Variants in VPS33A observed in about 807,000 individuals in gnomAD.
The protein encoded by VPS33A is VPS33A core subunit of CORVET and HOPS complexes.
Under a neutral mutation model 71.8 loss-of-function variants are expected in VPS33A, and 32 were observed. The ratio of observed to expected loss-of-function variants is 0.45; its 90% CI spans 0.34 to 0.60. VPS33A has a LOEUF of 0.60. VPS33A is among the 20% of genes least tolerant of loss of function. The probability of loss-of-function intolerance (pLI) is 0.02; values close to 1 mark genes in which losing one functional copy is unlikely to be tolerated. For missense variants in VPS33A, 625 were observed against 748.5 expected, an observed-to-expected ratio of 0.84 and a Z score of 1.92; for synonymous variants, 311 against 292.7, an observed-to-expected ratio of 1.06 and a Z score of -0.64.
chr12:122,262,598 A>T (rs1955010889), intron 3 of VPS33A, among the ~76,000 whole-genome samples: 1 of 133,910 alleles, frequency 7.5e-6, no homozygotes. Flanking sequence ...TTAAAATTTA[A>T]TCAGCTTTTT....
chr12:122,248,639 T>C (rs1287308799), intron 6 of VPS33A: 1 of 152,074 alleles, frequency 6.6e-6, no homozygotes, highest in African/African-American at 2.4e-5. Flanking sequence ...TCTCCAGCCA[T>C]GCACTCCACT....
At chr12:122,262,601 A>AG (rs1191538625) in intron 3 of VPS33A, among the ~76,000 whole-genome samples, 3 of 118,710 alleles carry the variant, frequency 2.5e-5, no homozygotes, top group African/African-American at 8.5e-5. Context: ...AAATTTAATC[A>AG]GCTTTTTTTT....
At position 122,244,765 on chromosome 12, in the gene VPS33A, G is replaced by T. The variant is rs1251187892; in HGVS notation, c.776-3C>A. 6.2e-7 allele frequency: 1 copy of T among 1,608,522 alleles called. No individual in the cohort carries two copies. Among genetic ancestry groups the T allele is most frequent in the Admixed American group, 1.7e-5 (1 of 59,862 alleles). Reference sequence around the variant, plus strand: ...CTCTGGAGGTAATTTCACATAACCTGAGCAGCAGTGGAAGGGAATAAGCAC... The same window carrying T: ...CTCTGGAGGTAATTTCACATAACCTTAGCAGCAGTGGAAGGGAATAAGCAC... On this transcript the variant is annotated splice_polypyrimidine_tract_variant and splice_region_variant and intron_variant, in intron 6 of 12. Coordinates refer to ENST00000267199, the MANE Select transcript of VPS33A (RefSeq NM_022916.6).
intron 6 of VPS33A, among the ~76,000 whole-genome samples, chr12:122,247,629 T>C (rs1224871919): frequency 6.6e-6 from 1 of 152,206 alleles, no homozygotes; most frequent in Non-Finnish European, 1.5e-5. Context: ...TCCATTCTTG[T>C]GGTAAATTGC....
chr12:122,261,317 C>T lies in VPS33A; in HGVS notation c.427G>A (p.Asp143Asn). ...AGATCCCCATCGAATGGAATGAGAT[C>T]TAAGCTGTACTCCTCCCTGTGAATA... ...SFIHREEYSLDLIPFDGDLLS... is the reference protein window; with the variant it reads ...SFIHREEYSLNLIPFDGDLLS... The change falls in exon 4 of 13, where the codon GAT (aspartate) becomes AAT (asparagine). Residue 143 changes from aspartate to asparagine, a missense_variant. By Grantham distance (23) the Asp-to-Asn change is conservative. Transcript: ENST00000267199. The T allele has an allele frequency of 6.2e-7, 1 of 1,613,890 alleles. No homozygotes were observed. Among genetic ancestry groups the T allele is most frequent in the Non-Finnish European group, 8.5e-7 (1 of 1,179,962 alleles).
chr12:122,256,893 T>G, intron 4 of VPS33A, among the ~76,000 whole-genome samples: 1 of 152,184 alleles, frequency 6.6e-6, no homozygotes, highest in East Asian at 1.9e-4. Flanking sequence ...AATGGAACTC[T>G]ATGCAGCTTC....
At chr12:122,252,513 G>A (rs12300035) in intron 4 of VPS33A, among the ~76,000 whole-genome samples, 3,323 of 151,746 alleles carry the variant, frequency 0.022, 95 homozygotes, top group African/African-American at 0.067. Context: ...CTCGTGATCC[G>A]CCCACCTCGG....
intron 11 of VPS33A, 143 bp downstream of exon 11, chr12:122,235,643 T>C (rs1034630459): frequency 1.1e-5 from 12 of 1,077,274 alleles, no homozygotes; most frequent in Middle Eastern, 3.1e-4. Flanking sequence ...ATGGATACAA[T>C]ACATGCATAC....
chr12:122,240,910 G>C (rs1310933251), intron 8 of VPS33A: 1 of 152,084 alleles, frequency 6.6e-6, no homozygotes, highest in Admixed American at 6.6e-5. Flanking sequence ...CAAGGCAGGC[G>C]GATCACCTGA....
intron 3 of VPS33A, among the ~76,000 whole-genome samples, chr12:122,261,801 G>A (rs1954999280): frequency 6.6e-6 from 1 of 152,038 alleles, no homozygotes; most frequent in African/African-American, 2.4e-5. Context: ...AGGAGGTGGA[G>A]ACCAACCTGG....
At chr12:122,234,671 G>C (rs572953130) in intron 11 of VPS33A, among the ~76,000 whole-genome samples, 1 of 152,280 alleles carries the variant, frequency 6.6e-6, no homozygotes, top group South Asian at 2.1e-4. Flanking sequence ...AATGCTCTGT[G>C]CCCGGAGATG....
At chr12:122,232,452 A>C in intron 12 of VPS33A, 25 bp from the exon 13 acceptor site, 1 of 1,595,284 alleles carries the variant, frequency 6.3e-7, no homozygotes, top group Non-Finnish European at 8.5e-7. Flanking sequence ...TTTCAGAATT[A>C]AAAACTATTT....
rs1169440998 is a variant in VPS33A at position 122,231,273 on chromosome 12, T to G, written c.*973A>C. 2 of 152,230 alleles carry G rather than the reference T, an allele frequency of 1.3e-5. No homozygotes were observed. Among genetic ancestry groups the G allele is most frequent in the African/African-American group, 4.8e-5 (2 of 41,454 alleles). 9.4% of individuals were successfully genotyped at this position (152,230 alleles called of 1,614,324 possible). A position where few individuals can be genotyped will look rare whatever the true frequency, so the allele number is the denominator to read the frequency against. On this transcript the variant is annotated 3_prime_UTR_variant, in exon 13 of 13. Coordinates refer to ENST00000267199, the MANE Select transcript of VPS33A (RefSeq NM_022916.6). Reference sequence around the variant, plus strand: ...ATTCTTCCATGTCAAAAGCCCCTGATAAGTATGGAACCTAAGGAGATGTAG... The same window carrying G: ...ATTCTTCCATGTCAAAAGCCCCTGAGAAGTATGGAACCTAAGGAGATGTAG...
intron 6 of VPS33A, among the ~76,000 whole-genome samples, chr12:122,245,399 G>T (rs568819777): frequency 6.0e-5 from 9 of 150,022 alleles, no homozygotes; most frequent in Non-Finnish European, 5.9e-5. Flanking sequence ...CCTAGAACAA[G>T]AATTAGAAAC....
At chr12:122,252,915 T>C (rs1267027582) in intron 4 of VPS33A, 1 of 152,166 alleles carries the variant, frequency 6.6e-6, no homozygotes, top group Non-Finnish European at 1.5e-5. Flanking sequence ...TTTACAACCA[T>C]TATCCACTCA....
intron 3 of VPS33A, among the ~76,000 whole-genome samples, chr12:122,263,044 G>A (rs992364481): frequency 6.8e-6 from 1 of 147,716 alleles, no homozygotes; most frequent in Non-Finnish European, 1.5e-5. Context: ...CCAGGCTGGA[G>A]TGCAGTGGCG....
chr12:122,246,031 G>A (rs997476153), intron 6 of VPS33A, among the ~76,000 whole-genome samples: 1 of 152,204 alleles, frequency 6.6e-6, no homozygotes, highest in African/African-American at 2.4e-5. Context: ...GCCAAGCCAA[G>A]TGAGTCCCTA....
intron 12 of VPS33A, 43 bp downstream of exon 12, chr12:122,232,757 C>A (rs369956034): frequency 6.3e-7 from 1 of 1,577,762 alleles, no homozygotes; most frequent in Non-Finnish European, 8.6e-7. Context: ...GAAAACCACA[C>A]TAACAGTACA....
At chr12:122,254,857 C>T (rs547244645) in intron 4 of VPS33A, among the ~76,000 whole-genome samples, 13 of 152,192 alleles carry the variant, frequency 8.5e-5, no homozygotes, top group Non-Finnish European at 1.9e-4. Flanking sequence ...TCGAGACCAG[C>T]TTGGGCCACA....
Sources: allele counts gnomAD v4.1 joint callset (sites outside exome capture counted in the v4.1 genomes callset), GRCh38; gene constraint gnomAD v4.1.1; transcripts MANE v1.5; gene names NCBI Gene and HGNC (gene_info 2026-07-23, HGNC 2026-07-21).